EPHB2: variants seen among roughly 807,000 people sequenced by gnomAD.
EPHB2 encodes the protein EPH receptor B2.
EPHB2 carries 18 observed loss-of-function variants against 96.4 expected under a neutral mutation model. The ratio of observed to expected loss-of-function variants is 0.19; its 90% CI spans 0.13 to 0.28. The LOEUF is 0.28. EPHB2 is among the 10% of genes least tolerant of loss of function. EPHB2 has a pLI of 1.00. For missense variants in EPHB2, 989 were observed against 1,355.4 expected, an observed-to-expected ratio of 0.73 and a Z score of 4.25; for synonymous variants, 506 against 534.1, an observed-to-expected ratio of 0.95 and a Z score of 0.72.
chr1:22,885,056 G>C (rs536208282), intron 6 of EPHB2, among the ~76,000 whole-genome samples: 2 of 152,136 alleles, frequency 1.3e-5, no homozygotes, highest in Non-Finnish European at 2.9e-5. Context: ...ACGAGGGCCT[G>C]AGCTGTGGGT....
intron 1 of EPHB2, among the ~76,000 whole-genome samples, chr1:22,730,229 A>AG: frequency 6.6e-6 from 1 of 152,204 alleles, no homozygotes; most frequent in East Asian, 1.9e-4. Flanking sequence ...CCAGGGGCGG[A>AG]GGCGGGGGTG....
rs748539918 is a variant in EPHB2 at position 22,882,372 on chromosome 1, G to C, written c.1317G>C (p.Val439=). The C allele has an allele frequency of 6.2e-7, 1 of 1,613,904 alleles. No homozygotes were observed. Among genetic ancestry groups the C allele is most frequent in the Non-Finnish European group, 8.5e-7 (1 of 1,180,002 alleles). ...ITTNQAAPSA[V]SIMHQVSRTV... Reference sequence around the variant, plus strand: ...CCTCTCTTCCAGCTCCATCGGCAGTGTCCATCATGCATCAGGTGAGCCGCA... The same window carrying C: ...CCTCTCTTCCAGCTCCATCGGCAGTCTCCATCATGCATCAGGTGAGCCGCA... The change falls in exon 6 of 16, where the codon GTG becomes GTC. Residue 439 remains valine (V), a synonymous_variant. Coordinates refer to ENST00000374630, the MANE Select transcript of EPHB2 (RefSeq NM_017449.5).
At chr1:22,797,896 A>G (rs562348042) in intron 3 of EPHB2, among the ~76,000 whole-genome samples, 23 of 151,944 alleles carry the variant, frequency 1.5e-4, no homozygotes, top group Non-Finnish European at 2.9e-4. Flanking sequence ...TGGTTGCTCC[A>G]TCGTCTTCTT....
rs964275426 is a variant in EPHB2, at chr1:22,914,186, A to G, written c.*616A>G. On this transcript the variant is annotated 3_prime_UTR_variant, in exon 16 of 16. Transcript: ENST00000374630. ...TTTGGAGAGTATTTTAGAAACTCCA[A>G]TGAAAGACACTGTTTCTCCTGTTGG... The G allele has an allele frequency of 6.8e-5, 20 of 293,170 alleles. No individual in the cohort carries two copies. The highest frequency in any genetic ancestry group is 9.5e-5 in the Admixed American group (2 of 21,056). 18.2% of individuals were successfully genotyped at this position (293,170 alleles called of 1,614,324 possible). A position where few individuals can be genotyped will look rare whatever the true frequency, so the allele number is the denominator to read the frequency against.
intron 3 of EPHB2, among the ~76,000 whole-genome samples, chr1:22,850,308 G>A (rs12025232): frequency 3.9e-5 from 6 of 152,236 alleles, no homozygotes; most frequent in African/African-American, 1.4e-4. Flanking sequence ...TGGGCCCTAA[G>A]TTCTTCTCTG....
intron 3 of EPHB2, among the ~76,000 whole-genome samples, chr1:22,800,690 CTGTG>C (rs1246059591): frequency 7.4e-6 from 1 of 134,698 alleles, no homozygotes; most frequent in Admixed American, 7.5e-5. Context: ...TGAGCCCTAT[CTGTG>C]TGAGTATATG....
chr1:22,834,820 G>C (rs1645356143), intron 3 of EPHB2, among the ~76,000 whole-genome samples: 1 of 152,128 alleles, frequency 6.6e-6, no homozygotes, highest in Non-Finnish European at 1.5e-5. Flanking sequence ...AGCTACTTGG[G>C]AGGCTGAGGT....
intron 1 of EPHB2, among the ~76,000 whole-genome samples, chr1:22,742,665 C>T (rs1014568298): frequency 3.3e-5 from 5 of 151,996 alleles, no homozygotes; most frequent in South Asian, 4.2e-4. Flanking sequence ...TGCCACCATG[C>T]CCAGCTAGTT....
At chr1:22,826,983 G>T (rs1645233782) in intron 3 of EPHB2, among the ~76,000 whole-genome samples, 1 of 152,214 alleles carries the variant, frequency 6.6e-6, no homozygotes, top group Non-Finnish European at 1.5e-5. Flanking sequence ...ACCTCCAGTT[G>T]ATCTTTGCTT....
At chr1:22,912,051 G>A (rs572081188) in intron 14 of EPHB2, among the ~76,000 whole-genome samples, 1 of 152,308 alleles carries the variant, frequency 6.6e-6, no homozygotes, top group Admixed American at 6.5e-5. Context: ...GGCACTGGGA[G>A]AGGAAACTGT....
At position 22,914,061 on chromosome 1, in the gene EPHB2, C is replaced by T. The variant is rs905114649; in HGVS notation, c.*491C>T. The T allele has an allele frequency of 8.5e-6, 6 of 703,546 alleles. No individual in the cohort carries two copies. The highest frequency in any genetic ancestry group is 7.2e-5 in the African/African-American group (4 of 55,578). The allele number at this position is 703,546 out of a possible 1,614,324, so 43.6% of individuals were successfully genotyped here. A position where few individuals can be genotyped will look rare whatever the true frequency, so the allele number is the denominator to read the frequency against. On this transcript the variant is annotated 3_prime_UTR_variant, in exon 16 of 16. Coordinates refer to ENST00000374630, the MANE Select transcript of EPHB2 (RefSeq NM_017449.5). The stretch of plus-strand genomic sequence containing the variant: ...CTCTAGGCCTCACTCAACAACCAAG[C>T]GCCTGGAGGACGGGACAGATGGACA...
intron 3 of EPHB2, among the ~76,000 whole-genome samples, chr1:22,788,781 G>T (rs1370310664): frequency 7.0e-6 from 1 of 143,732 alleles, no homozygotes; most frequent in Admixed American, 7.0e-5. Context: ...TTGTGACAGG[G>T]TCTCACTTTA....
intron 1 of EPHB2, among the ~76,000 whole-genome samples, chr1:22,777,287 T>C (rs532597637): frequency 6.6e-6 from 1 of 152,336 alleles, no homozygotes; most frequent in African/African-American, 2.4e-5. Flanking sequence ...TGTGTGATCT[T>C]GGGCAAGTTC....
intron 3 of EPHB2, among the ~76,000 whole-genome samples, chr1:22,839,467 G>A (rs1475036968): frequency 6.6e-6 from 1 of 152,180 alleles, no homozygotes; most frequent in Non-Finnish European, 1.5e-5. Context: ...CAAAGTCTGG[G>A]GGAGAAGAAA....
chr1:22,822,104 C>T (rs1645160241), intron 3 of EPHB2, among the ~76,000 whole-genome samples: 1 of 152,138 alleles, frequency 6.6e-6, no homozygotes, highest in Admixed American at 6.5e-5. Context: ...GACAATGGCT[C>T]TTAGATAGGG....
At chr1:22,826,484 C>A in intron 3 of EPHB2, among the ~76,000 whole-genome samples, 1 of 152,178 alleles carries the variant, frequency 6.6e-6, no homozygotes, top group Non-Finnish European at 1.5e-5. Context: ...TGGTTTTGAC[C>A]AGTTCTAAAG....
intron 1 of EPHB2, among the ~76,000 whole-genome samples, chr1:22,711,779 G>T (rs1311744897): frequency 6.6e-6 from 1 of 152,172 alleles, no homozygotes; most frequent in Non-Finnish European, 1.5e-5. Context: ...TCCAGCTGCC[G>T]CCGGGGCCGG....
intron 1 of EPHB2, among the ~76,000 whole-genome samples, chr1:22,722,900 G>A (rs1643498106): frequency 6.6e-6 from 1 of 152,188 alleles, no homozygotes; most frequent in Non-Finnish European, 1.5e-5. Context: ...AGGTGAAGAA[G>A]CAGCAAGGCA....
rs145044853 is a variant in EPHB2, at chr1:22,840,500, G to A, written c.812-22537G>A. On this transcript the variant is annotated intron_variant, in intron 3 of 15. Transcript: ENST00000374630. The stretch of plus-strand genomic sequence containing the variant: ...TTATTTGGTGGAGTCTTGCTCTATC[G>A]CCCAGGCTGGAGTGCAACGATGTGA... 1.4e-3 allele frequency among the ~76,000 whole-genome samples: 206 copies of A among 152,080 alleles called. 2 individuals carry two copies. In the Middle Eastern group the frequency reaches 0.031, roughly 23 times the overall value.
Sources: allele counts gnomAD v4.1 joint callset (sites outside exome capture counted in the v4.1 genomes callset), GRCh38; gene constraint gnomAD v4.1.1; transcripts MANE v1.5; gene names NCBI Gene and HGNC (gene_info 2026-07-23, HGNC 2026-07-21).